The following MCHR2 variants were observed in gnomAD, a reference collection of about 807,000 sequenced individuals.
MCHR2 encodes melanin-concentrating hormone receptor 2.
MCHR2 carries 15 observed loss-of-function variants against 24.8 expected under a neutral mutation model. The observed-to-expected ratio is 0.60, with a 90% CI of 0.40 to 0.93. The LOEUF (loss-of-function observed/expected upper bound fraction) is 0.93, where lower values mean the gene tolerates loss of function less well. Among genes scored for constraint, MCHR2 ranks in the 40% least tolerant of loss-of-function variants. MCHR2 has a pLI of 0.00. For synonymous variants in MCHR2, 151 were observed against 147.6 expected (o/e 1.02, Z -0.17); for missense variants, 386 against 408.7 (o/e 0.94, Z 0.48).
chr6:99,944,037 G>T lies in MCHR2; in HGVS notation c.393-894C>A, dbSNP rs538328223. ...AAGTCACCAGGCTCATGGAGTTTCAGCTCACAGAAGTCACAGTGAGGATTA... is the reference window on the plus strand; with the variant it reads ...AAGTCACCAGGCTCATGGAGTTTCATCTCACAGAAGTCACAGTGAGGATTA... On this transcript the variant is annotated intron_variant, in intron 3 of 5. Coordinates refer to ENST00000281806, the MANE Select transcript of MCHR2 (RefSeq NM_001040179.2). Among the ~76,000 whole-genome samples, 3 of 152,310 alleles carry T rather than the reference G, an allele frequency of 2.0e-5. No individual in the cohort carries two copies. The South Asian group carries it at 6.2e-4, about 32-fold the overall frequency.
intron 1 of MCHR2, among the ~76,000 whole-genome samples, chr6:99,959,843 A>C (rs1033584108): frequency 6.7e-6 from 1 of 150,098 alleles, no homozygotes; most frequent in Admixed American, 6.6e-5. Flanking sequence ...TGATAATAAT[A>C]ATAATAATAA....
At chr6:99,938,220 A>G (rs1274348751) in intron 4 of MCHR2, among the ~76,000 whole-genome samples, 1 of 151,578 alleles carries the variant, frequency 6.6e-6, no homozygotes, top group Non-Finnish European at 1.5e-5. Context: ...AATCTTCATT[A>G]TTTATTTCCT....
chr6:99,950,976 T>G (rs940227510), intron 2 of MCHR2, among the ~76,000 whole-genome samples: 5 of 152,220 alleles, frequency 3.3e-5, no homozygotes, highest in Admixed American at 3.3e-4. Context: ...GAAGCACCAG[T>G]GGGAACTGGA....
At chr6:99,951,447 T>C (rs1291055384) in intron 2 of MCHR2, among the ~76,000 whole-genome samples, 2 of 152,022 alleles carry the variant, frequency 1.3e-5, no homozygotes, top group Non-Finnish European at 2.9e-5. Context: ...CCTAGATACA[T>C]AGAGTGACAG....
chr6:99,957,530 C>T (rs2114544078), intron 1 of MCHR2, among the ~76,000 whole-genome samples: 1 of 152,124 alleles, frequency 6.6e-6, no homozygotes, highest in African/African-American at 2.4e-5. Context: ...AGAATGTCCA[C>T]TATCACCACT....
At chr6:99,958,467 T>C (rs1221717756) in intron 1 of MCHR2, among the ~76,000 whole-genome samples, 1 of 151,990 alleles carries the variant, frequency 6.6e-6, no homozygotes, top group East Asian at 1.9e-4. Flanking sequence ...TATCTTTAGG[T>C]CCTTGGAGTA....
intron 1 of MCHR2, among the ~76,000 whole-genome samples, chr6:99,965,669 A>C (rs1328630484): frequency 6.6e-6 from 1 of 152,248 alleles, no homozygotes; most frequent in South Asian, 2.1e-4. Context: ...CTTTTATGAC[A>C]CTTGTTTTTT....
intron 1 of MCHR2, among the ~76,000 whole-genome samples, chr6:99,989,226 T>C (rs573290533): frequency 4.1e-4 from 62 of 152,238 alleles, no homozygotes; most frequent in African/African-American, 1.4e-3. Flanking sequence ...CACTCTAGCC[T>C]GGGCGACAGA....
chr6:99,922,578 T>C (rs776365427), intron 5 of MCHR2, among the ~76,000 whole-genome samples: 1 of 152,190 alleles, frequency 6.6e-6, no homozygotes, highest in Non-Finnish European at 1.5e-5. Context: ...TAATGAGAAA[T>C]GGGGCTCTAG....
intron 3 of MCHR2, among the ~76,000 whole-genome samples, chr6:99,947,229 T>A (rs2114528103): frequency 6.6e-6 from 1 of 152,312 alleles, no homozygotes; most frequent in African/African-American, 2.4e-5. Flanking sequence ...TCCCTGGCAC[T>A]GGGAAATTGC....
chr6:99,929,133 T>C (rs546670147), intron 5 of MCHR2, among the ~76,000 whole-genome samples: 48 of 152,334 alleles, frequency 3.2e-4, no homozygotes, highest in African/African-American at 1.1e-3. Flanking sequence ...TCAGTTTCCA[T>C]GTAGTTGAGC....
chr6:99,969,712 CT>C (rs1775364361), intron 1 of MCHR2, among the ~76,000 whole-genome samples: 1 of 108,164 alleles, frequency 9.2e-6, no homozygotes, highest in Non-Finnish European at 1.8e-5. Flanking sequence ...TCCCTCCCCC[CT>C]CCCCCCACCC....
chr6:99,938,871 A>G (rs1309488836), intron 4 of MCHR2, among the ~76,000 whole-genome samples: 1 of 151,992 alleles, frequency 6.6e-6, no homozygotes, highest in Non-Finnish European at 1.5e-5. Context: ...GGGAGCCCCA[A>G]TGTTGGGTGC....
chr6:99,983,827 T>G (rs1465874849), intron 1 of MCHR2, among the ~76,000 whole-genome samples: 1 of 152,232 alleles, frequency 6.6e-6, no homozygotes, highest in Non-Finnish European at 1.5e-5. Flanking sequence ...GGGATTTTTT[T>G]CTACAGCATA....
rs1455648250 is a variant in MCHR2, at chr6:99,943,181, T to C, written c.393-38A>G. 1.8e-5 allele frequency: 28 copies of C among 1,535,266 alleles called. 1 individual carries two copies. The East Asian group carries it at 5.9e-4, about 32-fold the overall frequency. On this transcript the variant is annotated intron_variant, in intron 3 of 5. Coordinates refer to ENST00000281806, the MANE Select transcript of MCHR2 (RefSeq NM_001040179.2). ...TCAGGAAGAGTTTTGGAACAATCAA[T>C]AAAAGCACTGAGCTCCAAGGATGAA...
intron 1 of MCHR2, among the ~76,000 whole-genome samples, chr6:99,967,208 A>C (rs764349291): frequency 4.6e-5 from 7 of 152,040 alleles, no homozygotes; most frequent in Non-Finnish European, 1.0e-4. Context: ...TTGAAAGAAG[A>C]CTGACAGTGT....
At chr6:99,954,578 G>A (rs1228705360) in intron 2 of MCHR2, among the ~76,000 whole-genome samples, 1 of 152,106 alleles carries the variant, frequency 6.6e-6, no homozygotes, top group East Asian at 1.9e-4. Flanking sequence ...TTCACAGCTG[G>A]TGCAGGTGTT....
chr6:99,948,031 T>C (rs1207902270), intron 2 of MCHR2, 60 bp from the exon 3 acceptor site: 1 of 1,409,442 alleles, frequency 7.1e-7, no homozygotes, highest in Non-Finnish European at 9.8e-7. Context: ...ATTCGATATA[T>C]GCTACCTCAT....
At chr6:99,938,463 T>C (rs547475427) in intron 4 of MCHR2, among the ~76,000 whole-genome samples, 2 of 152,136 alleles carry the variant, frequency 1.3e-5, no homozygotes, top group Non-Finnish European at 2.9e-5. Context: ...CACTAATCAT[T>C]CAGGAGCATG....
Sources: allele counts gnomAD v4.1 joint callset (sites outside exome capture counted in the v4.1 genomes callset), GRCh38; gene constraint gnomAD v4.1.1; transcripts MANE v1.5; gene names NCBI Gene and HGNC (gene_info 2026-07-23, HGNC 2026-07-21).